NCAM2: variants seen among roughly 807,000 people sequenced by gnomAD.
NCAM2 encodes the protein neural cell adhesion molecule 2, also known as N-CAM-2.
A neutral mutation model predicts 98.1 loss-of-function variants in NCAM2; 30 were observed. The ratio of observed to expected loss-of-function variants is 0.31; its 90% confidence interval spans 0.23 to 0.41. The LOEUF (loss-of-function observed/expected upper bound fraction) is 0.41. Ranked by LOEUF, NCAM2 falls within the 10% of genes least tolerant of loss-of-function variation. The pLI is 1.00. For synonymous variants in NCAM2, 368 were observed against 342.4 expected (o/e 1.07, Z -0.83); for missense variants, 867 against 1,005.8 (o/e 0.86, Z 1.87).
Position 21,252,425 on chromosome 21 carries a change from AATT to A in NCAM2, c.56-28147_56-28145del, listed in dbSNP as rs763019173. On this transcript the variant is annotated intron_variant, in intron 1 of 17. Transcript: ENST00000400546. ...CTCCTTTATTATATAAAATATAATC[AATT>A]ATTATAACCCATATAATATATACGA... Among the ~76,000 whole-genome samples, 3 of 150,780 alleles carry A rather than the reference AATT, an allele frequency of 2.0e-5. No individual in the cohort carries two copies. The East Asian group carries it at 5.8e-4, about 29-fold the overall frequency.
At chr21:21,024,778 C>T (rs572469101) in intron 1 of NCAM2, among the ~76,000 whole-genome samples, 1 of 151,744 alleles carries the variant, frequency 6.6e-6, no homozygotes, top group East Asian at 2.0e-4. Flanking sequence ...TCCCAGCTAG[C>T]TGGGAAGCTG....
chr21:21,243,093 TAAAAG>T (rs1258642390), intron 1 of NCAM2, among the ~76,000 whole-genome samples: 17 of 152,130 alleles, frequency 1.1e-4, no homozygotes, highest in African/African-American at 4.1e-4. Context: ...CAGGGAATCT[TAAAAG>T]AGACACAGAA....
chr21:21,296,373 T>C (rs2073479500), intron 5 of NCAM2, among the ~76,000 whole-genome samples: 1 of 151,812 alleles, frequency 6.6e-6, no homozygotes, highest in East Asian at 1.9e-4. Flanking sequence ...AGGGCAATAA[T>C]ATGTTGCAGA....
At chr21:21,288,870 A>G (rs1027260133) in intron 4 of NCAM2, among the ~76,000 whole-genome samples, 1 of 151,958 alleles carries the variant, frequency 6.6e-6, no homozygotes. Flanking sequence ...CTTATTAGCT[A>G]TGCTTTTGAT....
chr21:21,381,245 T>C (rs2076147713), intron 9 of NCAM2, among the ~76,000 whole-genome samples: 1 of 152,156 alleles, frequency 6.6e-6, no homozygotes, highest in Admixed American at 6.5e-5. Context: ...ACCATCCTCA[T>C]CTCTGAGTCA....
At chr21:21,078,380 C>G (rs1485483911) in intron 1 of NCAM2, among the ~76,000 whole-genome samples, 2 of 152,150 alleles carry the variant, frequency 1.3e-5, no homozygotes, top group Non-Finnish European at 2.9e-5. Flanking sequence ...TCACAAACAC[C>G]TCTTTATTTA....
At chr21:21,229,857 G>A (rs1317727663) in intron 1 of NCAM2, among the ~76,000 whole-genome samples, 1 of 151,366 alleles carries the variant, frequency 6.6e-6, no homozygotes, top group East Asian at 1.9e-4. Flanking sequence ...GTATTTACAA[G>A]CCAAGGTTTT....
intron 3 of NCAM2, among the ~76,000 whole-genome samples, chr21:21,284,670 G>A (rs1429542124): frequency 6.6e-6 from 1 of 151,342 alleles, no homozygotes; most frequent in Non-Finnish European, 1.5e-5. Context: ...TGGGTATATA[G>A]AGAATAGTGG....
At chr21:21,153,914 G>A (rs2067527786) in intron 1 of NCAM2, among the ~76,000 whole-genome samples, 1 of 151,718 alleles carries the variant, frequency 6.6e-6, no homozygotes, top group African/African-American at 2.4e-5. Context: ...ATAAAGTGTG[G>A]GAGAGAGAGA....
At chr21:21,291,958 A>G (rs1047733311) in intron 4 of NCAM2, 146 bp from the exon 5 acceptor site, 12 of 670,262 alleles carry the variant, frequency 1.8e-5, no homozygotes, top group South Asian at 1.5e-4. Flanking sequence ...ATGAAATTAC[A>G]TTTTACTTTC....
chr21:21,052,299 G>T (rs893076420), intron 1 of NCAM2, among the ~76,000 whole-genome samples: 3 of 151,932 alleles, frequency 2.0e-5, no homozygotes, highest in Non-Finnish European at 2.9e-5. Context: ...GAGGAGCTGG[G>T]ACTACAGGCG....
intron 1 of NCAM2, among the ~76,000 whole-genome samples, chr21:21,109,133 A>G (rs2066406164): frequency 6.6e-6 from 1 of 152,134 alleles, no homozygotes; most frequent in Admixed American, 6.6e-5. Flanking sequence ...GTTGGAATAT[A>G]CTTTTAGATG....
At chr21:21,234,037 C>G (rs2070728039) in intron 1 of NCAM2, among the ~76,000 whole-genome samples, 2 of 151,670 alleles carry the variant, frequency 1.3e-5, no homozygotes, top group Non-Finnish European at 3.0e-5. Flanking sequence ...TACAAGTGCT[C>G]AATTGTCATA....
At chr21:21,512,973 T>C (rs562809595) in intron 16 of NCAM2, among the ~76,000 whole-genome samples, 3 of 152,224 alleles carry the variant, frequency 2.0e-5, no homozygotes, top group East Asian at 3.9e-4. Context: ...TTAGTTCTAA[T>C]AGTTTTTTTG....
At chr21:21,305,984 T>A (rs946481402) in intron 5 of NCAM2, among the ~76,000 whole-genome samples, 1 of 152,162 alleles carries the variant, frequency 6.6e-6, no homozygotes, top group Admixed American at 6.5e-5. Context: ...ATTTCCCTTT[T>A]GACTTATTAT....
intron 9 of NCAM2, among the ~76,000 whole-genome samples, chr21:21,400,473 T>C (rs2076604409): frequency 6.6e-6 from 1 of 152,184 alleles, no homozygotes; most frequent in South Asian, 2.1e-4. Context: ...TATATACTTA[T>C]TAAGAAGATT....
chr21:21,062,406 G>T (rs906216264), intron 1 of NCAM2, among the ~76,000 whole-genome samples: 3 of 152,000 alleles, frequency 2.0e-5, no homozygotes, highest in Non-Finnish European at 2.9e-5. Context: ...TCATGAAAGT[G>T]ATATTTGACT....
chr21:21,486,862 G>A (rs1008646107), intron 15 of NCAM2, among the ~76,000 whole-genome samples: 1 of 152,228 alleles, frequency 6.6e-6, no homozygotes, highest in Non-Finnish European at 1.5e-5. Context: ...TGTTAGCAGA[G>A]TTATATACAT....
At chr21:21,452,177 C>T (rs1418860940) in intron 12 of NCAM2, among the ~76,000 whole-genome samples, 4 of 148,644 alleles carry the variant, frequency 2.7e-5, no homozygotes, top group African/African-American at 1.0e-4. Flanking sequence ...ACCACACACA[C>T]ACACACACAC....
Sources: gnomAD v4.1 joint callset for allele counts (sites outside exome capture counted in the v4.1 genomes callset) on GRCh38, gnomAD v4.1.1 for gene constraint, MANE v1.5 for transcripts, NCBI Gene and HGNC (gene_info 2026-07-23, HGNC 2026-07-21) for gene names.